STK35: variants seen among roughly 807,000 people sequenced by gnomAD.
The protein encoded by STK35 is serine/threonine kinase 35.
In STK35, 17 loss-of-function variants were observed where a neutral mutation model predicts 37.3. That is an observed-to-expected ratio of 0.46 (90% CI 0.31 to 0.68). The LOEUF is 0.68. STK35 is among the 30% of genes least tolerant of loss of function. The probability of loss-of-function intolerance (pLI) is 0.05; values close to 1 mark genes in which losing one functional copy is unlikely to be tolerated. For synonymous variants in STK35, 385 were observed against 319.1 expected (o/e 1.21, Z -2.20); for missense variants, 595 against 746.7 (o/e 0.80, Z 2.37).
intron 1 of STK35, 50 bp downstream of exon 1, chr20:2,102,225 T>A (rs919459589): frequency 1.0e-5 from 14 of 1,367,944 alleles, no homozygotes; most frequent in Admixed American, 3.4e-5. Context: ...CTGGAGTTAC[T>A]GCCACTGCCT....
intron 3 of STK35, among the ~76,000 whole-genome samples, chr20:2,136,021 A>G (rs1327776795): frequency 3.3e-5 from 5 of 152,226 alleles, no homozygotes; most frequent in Admixed American, 6.5e-5. Flanking sequence ...TGGGAAGTCC[A>G]TACTTTCAGA....
intron 3 of STK35, among the ~76,000 whole-genome samples, chr20:2,118,879 C>T (rs1025891732): frequency 2.6e-5 from 4 of 152,170 alleles, no homozygotes; most frequent in African/African-American, 9.7e-5. Flanking sequence ...GAATGATAGG[C>T]CATACATGTC....
intron 2 of STK35, among the ~76,000 whole-genome samples, chr20:2,103,761 AAAAC>A (rs973983343): frequency 2.6e-5 from 4 of 152,094 alleles, no homozygotes; most frequent in African/African-American, 4.8e-5. Flanking sequence ...TTTCCCTCCC[AAAAC>A]AAACAAAAAG....
chr20:2,143,414 C>T (rs1028453925), intron 3 of STK35, among the ~76,000 whole-genome samples: 1 of 152,188 alleles, frequency 6.6e-6, no homozygotes, highest in Admixed American at 6.5e-5. Flanking sequence ...GGAAGCAGTG[C>T]TGGCAAGGTC....
chr20:2,103,263 T>C lies in STK35; in HGVS notation c.790T>C (p.Phe264Leu), dbSNP rs775687924. 6.2e-7 allele frequency: 1 copy of C among 1,612,764 alleles called. No homozygotes were observed. The highest frequency in any genetic ancestry group is 1.1e-5 in the South Asian group (1 of 91,030). Residue 264 changes from phenylalanine (F) to leucine (L), a missense_variant, in exon 2 of 4, where the codon TTT (phenylalanine) becomes CTT (leucine). Phe to Leu is a conservative substitution (Grantham distance 22). Around this residue, in one of 3 missense-constraint regions of STK35, gnomAD observed 97 missense variants for 146.4 expected, o/e 0.66. Coordinates refer to ENST00000381482, the MANE Select transcript of STK35 (RefSeq NM_080836.4). ...LKRRHQNVVQ[F>L]EECVLQRNGL... is the part of the protein sequence containing the mutation. ...GCGGCGCCACCAGAACGTCGTGCAG[T>C]TTGAGGAGTGCGTCCTGCAGCGCAA...
At chr20:2,102,490 G>C (rs933164707) in intron 1 of STK35, among the ~76,000 whole-genome samples, 1 of 152,252 alleles carries the variant, frequency 6.6e-6, no homozygotes, top group Admixed American at 6.5e-5. Context: ...TTCAGAAGGC[G>C]TGAAGCTTGC....
intron 3 of STK35, among the ~76,000 whole-genome samples, chr20:2,130,777 G>A (rs949392704): frequency 6.6e-6 from 1 of 152,194 alleles, no homozygotes; most frequent in Admixed American, 6.5e-5. Context: ...AGGTTTCTAA[G>A]TGCAAGCACC....
chr20:2,140,137 TG>T (rs746162108), intron 3 of STK35, among the ~76,000 whole-genome samples: 7 of 152,212 alleles, frequency 4.6e-5, no homozygotes, highest in Non-Finnish European at 1.0e-4. Flanking sequence ...ACAGTAATCA[TG>T]GAAGGGCACT....
intron 3 of STK35, among the ~76,000 whole-genome samples, chr20:2,127,250 C>CCCTTGCACT (rs1416701890): frequency 6.6e-6 from 1 of 151,760 alleles, no homozygotes; most frequent in African/African-American, 2.4e-5. Context: ...TGTACAGCAC[C>CCCTTGCACT]CCTTTGTTTT....
intron 2 of STK35, among the ~76,000 whole-genome samples, chr20:2,103,643 G>A (rs942577151): frequency 6.6e-5 from 10 of 152,196 alleles, no homozygotes; most frequent in African/African-American, 1.9e-4. Context: ...TGCGAGCTAT[G>A]GTTATTAAAC....
chr20:2,143,513 A>G (rs2122593703), intron 3 of STK35, among the ~76,000 whole-genome samples: 1 of 152,352 alleles, frequency 6.6e-6, no homozygotes, highest in East Asian at 1.9e-4. Flanking sequence ...TTTGACAGCT[A>G]GAGCCAGCAA....
At chr20:2,113,618 A>G (rs1424056348) in intron 2 of STK35, among the ~76,000 whole-genome samples, 1 of 152,174 alleles carries the variant, frequency 6.6e-6, no homozygotes, top group Non-Finnish European at 1.5e-5. Flanking sequence ...CTAAGATCTA[A>G]ATTTCATCTT....
intron 3 of STK35, among the ~76,000 whole-genome samples, chr20:2,140,045 C>G (rs1179813970): frequency 6.6e-6 from 1 of 152,188 alleles, no homozygotes; most frequent in African/African-American, 2.4e-5. Context: ...GCTGGTTCTA[C>G]TGCTCAGCAA....
chr20:2,118,478 A>T (rs1042335142), intron 3 of STK35, among the ~76,000 whole-genome samples: 3 of 152,162 alleles, frequency 2.0e-5, no homozygotes, highest in African/African-American at 7.2e-5. Context: ...GCTACTCGGG[A>T]GGCTGAGGCA....
chr20:2,142,852 A>T (rs775475707), intron 3 of STK35, among the ~76,000 whole-genome samples: 10 of 152,178 alleles, frequency 6.6e-5, no homozygotes, highest in Non-Finnish European at 2.9e-5. Context: ...CTTAGCACTG[A>T]TCCGATAGCT....
chr20:2,102,077 G>A lies in STK35; in HGVS notation c.196G>A (p.Ala66Thr), dbSNP rs1203687022. 4 of 1,520,232 alleles carry A rather than the reference G, an allele frequency of 2.6e-6. No individual in the cohort carries two copies. Among genetic ancestry groups the A allele is most frequent in the Non-Finnish European group, 3.5e-6 (4 of 1,138,566 alleles). 94.2% of individuals were successfully genotyped at this position (1,520,232 alleles called of 1,614,324 possible). Residue 66 changes from alanine to threonine, a missense_variant, in exon 1 of 4, where the codon GCT (alanine) becomes ACT (threonine). Physicochemically the swap from Ala to Thr is moderately conservative, Grantham distance 58. Transcript: ENST00000381482. ...RRARAATSRAARSRRQPGPGA... is the reference protein window; with the variant it reads ...RRARAATSRATRSRRQPGPGA... ...GGCTCGGGCCGCCACCTCCCGCGCT[G>A]CTCGGTCCCGGAGGCAGCCCGGGCC...
intron 2 of STK35, among the ~76,000 whole-genome samples, chr20:2,116,081 AT>A (rs1446418576): frequency 6.6e-6 from 1 of 152,176 alleles, no homozygotes; most frequent in East Asian, 1.9e-4. Flanking sequence ...GAGGCATGTT[AT>A]GTACCTAACT....
intron 3 of STK35, among the ~76,000 whole-genome samples, chr20:2,118,060 ATC>A (rs1702165915): frequency 6.6e-6 from 1 of 152,180 alleles, no homozygotes; most frequent in African/African-American, 2.4e-5. Context: ...AATAAACACT[ATC>A]TCTGATTGTA....
At chr20:2,143,724 A>T (rs888599738) in intron 3 of STK35, 60 bp from the exon 4 acceptor site, 1 of 338,844 alleles carries the variant, frequency 3.0e-6, no homozygotes, top group Non-Finnish European at 5.7e-6. Context: ...CTCTGGGTTG[A>T]GGGCTGGTGC....
Sources: allele counts gnomAD v4.1 joint callset (sites outside exome capture counted in the v4.1 genomes callset), GRCh38; gene constraint gnomAD v4.1.1; regional missense constraint gnomAD v4.1.1; transcripts MANE v1.5; gene names NCBI Gene and HGNC (gene_info 2026-07-23, HGNC 2026-07-21).